The following MECOM variants were observed in gnomAD, a reference collection of about 807,000 sequenced individuals.
MECOM encodes MDS1 and EVI1 complex locus.
Under a neutral mutation model 116.3 loss-of-function variants are expected in MECOM, and 13 were observed. That is an observed-to-expected ratio of 0.11 (90% CI 0.07 to 0.18). MECOM has a LOEUF of 0.18. Among genes scored for constraint, MECOM ranks in the 10% least tolerant of loss-of-function variants. MECOM has a pLI of 1.00. For synonymous variants in MECOM, 528 were observed against 535.2 expected (o/e 0.99, Z 0.19); for missense variants, 1,299 against 1,509.0 (o/e 0.86, Z 2.31).
At chr3:169,486,556 T>C (rs1268388586) in intron 1 of MECOM, among the ~76,000 whole-genome samples, 1 of 152,054 alleles carries the variant, frequency 6.6e-6, no homozygotes, top group African/African-American at 2.4e-5. Context: ...AAGAAAATGA[T>C]ACTTGATGCA....
At chr3:169,639,126 A>T (rs1210624035) in intron 1 of MECOM, among the ~76,000 whole-genome samples, 2 of 152,174 alleles carry the variant, frequency 1.3e-5, no homozygotes, top group Non-Finnish European at 1.5e-5. Flanking sequence ...TAACTAAAAA[A>T]TAAATGTTTA....
chr3:169,120,909 T>A (rs1730808442), intron 7 of MECOM, 147 bp downstream of exon 7: 1 of 688,026 alleles, frequency 1.5e-6, no homozygotes, highest in East Asian at 3.1e-5. Context: ...AAGATTTACT[T>A]GTAATCATAA....
At chr3:169,420,644 T>G (rs1043370202) in intron 1 of MECOM, among the ~76,000 whole-genome samples, 1 of 152,128 alleles carries the variant, frequency 6.6e-6, no homozygotes, top group Non-Finnish European at 1.5e-5. Flanking sequence ...GCCCCACTCC[T>G]CTGGTTCAAC....
chr3:169,298,385 A>G (rs893787968), intron 2 of MECOM, among the ~76,000 whole-genome samples: 7 of 151,952 alleles, frequency 4.6e-5, no homozygotes, highest in Non-Finnish European at 1.0e-4. Flanking sequence ...ATTAAATGTT[A>G]TCAATATGAA....
chr3:169,158,963 AG>A (rs1379627451), intron 2 of MECOM, among the ~76,000 whole-genome samples: 1 of 152,168 alleles, frequency 6.6e-6, no homozygotes, highest in African/African-American at 2.4e-5. Flanking sequence ...ACCCGTACCT[AG>A]GAAGAAGTGC....
chr3:169,150,781 G>A (rs1486382566), intron 2 of MECOM, among the ~76,000 whole-genome samples: 1 of 152,158 alleles, frequency 6.6e-6, no homozygotes, highest in Non-Finnish European at 1.5e-5. Context: ...AAAATATGAG[G>A]GTTGAGTGTG....
At chr3:169,163,264 C>T (rs575341088) in intron 2 of MECOM, among the ~76,000 whole-genome samples, 5 of 152,100 alleles carry the variant, frequency 3.3e-5, no homozygotes, top group South Asian at 4.1e-4. Flanking sequence ...ATTAGTCAGT[C>T]GTGTTAATTT....
At chr3:169,630,600 A>G (rs933741252) in intron 1 of MECOM, among the ~76,000 whole-genome samples, 5 of 152,106 alleles carry the variant, frequency 3.3e-5, no homozygotes, top group Non-Finnish European at 7.4e-5. Context: ...CTACAGGTAC[A>G]CACCACCATG....
intron 2 of MECOM, among the ~76,000 whole-genome samples, chr3:169,368,040 G>A (rs753361121): frequency 2.0e-5 from 3 of 151,926 alleles, no homozygotes; most frequent in African/African-American, 4.8e-5. Flanking sequence ...ATCTTATATC[G>A]AATATCAACT....
rs942586686 is a variant in MECOM at position 169,497,229 on chromosome 3, T to C, written c.38-115705A>G. Among the ~76,000 whole-genome samples, 22 of 152,306 alleles carry C rather than the reference T, an allele frequency of 1.4e-4. 1 individual carries two copies. In the South Asian group the frequency reaches 2.9e-3, roughly 20 times the overall value. On this transcript the variant is annotated intron_variant, in intron 1 of 16. Coordinates refer to ENST00000651503, the MANE Select transcript of MECOM (RefSeq NM_004991.4). Reference sequence around the variant, plus strand: ...TGCTTATTCTTACCTTATTATATTGTTCTTTCTATCCCTATTGCCACAACC... The same window carrying C: ...TGCTTATTCTTACCTTATTATATTGCTCTTTCTATCCCTATTGCCACAACC...
intron 1 of MECOM, among the ~76,000 whole-genome samples, chr3:169,540,028 T>A (rs1276886889): frequency 1.3e-5 from 2 of 152,194 alleles, no homozygotes; most frequent in Non-Finnish European, 2.9e-5. Flanking sequence ...AATGTCTGCA[T>A]GCCAGACTTC....
intron 2 of MECOM, among the ~76,000 whole-genome samples, chr3:169,304,635 G>T (rs942263287): frequency 1.3e-5 from 2 of 152,148 alleles, no homozygotes; most frequent in Non-Finnish European, 2.9e-5. Flanking sequence ...ACATTAAATA[G>T]AATATTTCCT....
intron 1 of MECOM, among the ~76,000 whole-genome samples, chr3:169,629,898 G>A (rs905115739): frequency 6.6e-6 from 1 of 152,200 alleles, no homozygotes. Flanking sequence ...AGCACAGGCT[G>A]CCCAGCCATC....
At chr3:169,166,478 T>C (rs771290757) in intron 2 of MECOM, among the ~76,000 whole-genome samples, 1 of 152,144 alleles carries the variant, frequency 6.6e-6, no homozygotes, top group Non-Finnish European at 1.5e-5. Flanking sequence ...CCTTCCCAGG[T>C]AAAAATGTGC....
At chr3:169,338,632 T>TGTGTGTGTG (rs199867460) in intron 2 of MECOM, among the ~76,000 whole-genome samples, 3 of 149,740 alleles carry the variant, frequency 2.0e-5, no homozygotes, top group East Asian at 2.0e-4. Flanking sequence ...TGTGTGTGTG[T>TGTGTGTGTG]TGGGAAGCAT....
intron 1 of MECOM, among the ~76,000 whole-genome samples, chr3:169,578,694 T>C (rs1433546320): frequency 1.3e-5 from 2 of 152,146 alleles, no homozygotes; most frequent in African/African-American, 4.8e-5. Flanking sequence ...GTGTGTTGCA[T>C]GTATTTAACT....
intron 1 of MECOM, among the ~76,000 whole-genome samples, chr3:169,631,140 C>A (rs1025477815): frequency 1.1e-4 from 16 of 152,264 alleles, no homozygotes; most frequent in African/African-American, 1.7e-4. Context: ...CAAAGCCCAG[C>A]CTTGCCTCTT....
intron 1 of MECOM, among the ~76,000 whole-genome samples, chr3:169,435,472 G>A (rs1742479533): frequency 1.3e-5 from 2 of 152,266 alleles, no homozygotes; most frequent in Admixed American, 6.5e-5. Context: ...TGTGACCCTA[G>A]TGGAGCCTGG....
intron 2 of MECOM, among the ~76,000 whole-genome samples, chr3:169,249,670 T>A (rs912683234): frequency 2.6e-5 from 4 of 152,342 alleles, no homozygotes; most frequent in South Asian, 4.1e-4. Context: ...GAATTGTTGA[T>A]GAGCAATAAC....
Sources: allele counts gnomAD v4.1 joint callset (sites outside exome capture counted in the v4.1 genomes callset), GRCh38; gene constraint gnomAD v4.1.1; transcripts MANE v1.5; gene names NCBI Gene and HGNC (gene_info 2026-07-23, HGNC 2026-07-21).